Variants in LPP observed in about 807,000 individuals in gnomAD.
The protein encoded by LPP is lipoma-preferred partner.
A neutral mutation model predicts 60.4 loss-of-function variants in LPP; 38 were observed. The observed-to-expected ratio is 0.63, with a 90% CI of 0.49 to 0.83. The LOEUF (loss-of-function observed/expected upper bound fraction) is 0.83. Ranked by LOEUF, LPP falls within the 40% of genes least tolerant of loss-of-function variation. The pLI, the probability that LPP is intolerant of heterozygous loss-of-function variation, is 0.00. For missense variants in LPP, 902 were observed against 783.6 expected, an observed-to-expected ratio of 1.15 and a Z score of -1.80; for synonymous variants, 328 against 290.8, an observed-to-expected ratio of 1.13 and a Z score of -1.30.
intron 4 of LPP, among the ~76,000 whole-genome samples, chr3:188,410,051 C>T (rs1222121792): frequency 1.3e-5 from 2 of 152,130 alleles, no homozygotes; most frequent in South Asian, 4.1e-4. Context: ...AATAGATTTG[C>T]TTGTATATGC....
intron 3 of LPP, among the ~76,000 whole-genome samples, chr3:188,363,595 C>T (rs1305012731): frequency 2.0e-5 from 3 of 152,182 alleles, no homozygotes; most frequent in African/African-American, 4.8e-5. Flanking sequence ...CGCCCTCCTT[C>T]GACTGAGCTC....
chr3:188,771,363 A>G (rs1398501331), intron 9 of LPP, among the ~76,000 whole-genome samples: 2 of 152,066 alleles, frequency 1.3e-5, no homozygotes, highest in Non-Finnish European at 2.9e-5. Context: ...AGACTGGCTA[A>G]CATAGTGAAA....
At chr3:188,553,833 C>T (rs1828798872) in intron 6 of LPP, 1 of 152,194 alleles carries the variant, frequency 6.6e-6, no homozygotes, top group African/African-American at 2.4e-5. Context: ...GAGATGGTGT[C>T]AGAGTGGTGT....
rs1313097394 is a variant in LPP, at chr3:188,182,771, G to GCGCA, written c.-190+28519_-190+28520insCGCA. 1.5e-4 allele frequency among the ~76,000 whole-genome samples: 22 copies of GCGCA among 148,790 alleles called. No homozygotes were observed. Among genetic ancestry groups the GCGCA allele is most frequent in the Non-Finnish European group, 3.0e-4 (20 of 67,470 alleles). On this transcript the variant is annotated intron_variant, in intron 1 of 11. Transcript: ENST00000617246. This position sits in a 1 kb window ranked among gnomAD's most constrained non-coding sequence, Gnocchi z 4.4. Reference sequence around the variant, plus strand: ...ACATATATGTACATATATTATATATGTGCATATATAATATATGTACATATA... The same window carrying GCGCA: ...ACATATATGTACATATATTATATATGCGCATGCATATATAATATATGTACATATA...
chr3:188,582,067 T>C (rs1412422852), intron 6 of LPP, among the ~76,000 whole-genome samples: 2 of 152,028 alleles, frequency 1.3e-5, no homozygotes, highest in South Asian at 2.1e-4. Flanking sequence ...GTTTTCTTCC[T>C]ACCATTCTGA....
intron 8 of LPP, among the ~76,000 whole-genome samples, chr3:188,714,151 G>A (rs1217057265): frequency 6.6e-6 from 1 of 152,060 alleles, no homozygotes; most frequent in Non-Finnish European, 1.5e-5. Context: ...TTGGAATTTG[G>A]CCTCACTCTT....
intron 2 of LPP, among the ~76,000 whole-genome samples, chr3:188,249,866 A>C (rs1728462436): frequency 7.3e-6 from 1 of 136,214 alleles, no homozygotes. Context: ...ACACACACAC[A>C]CACAGTCTCC....
Position 188,362,371 on chromosome 3 carries a change from T to C in LPP, c.-10+20652T>C, listed in dbSNP as rs112468035. Among the ~76,000 whole-genome samples, 284 of 152,246 alleles carry C rather than the reference T, an allele frequency of 1.9e-3. 2 individuals carry two copies. The highest frequency in any genetic ancestry group is 6.5e-3 in the African/African-American group (271 of 41,522). The stretch of plus-strand genomic sequence containing the variant: ...CTTATTTGACTGCTTTTTGTGTTTG[T>C]CTTCTTCTTTACTGGATATCCTTTT... On this transcript the variant is annotated intron_variant, in intron 3 of 11. Coordinates refer to ENST00000617246, the MANE Select transcript of LPP (RefSeq NM_001375462.1).
intron 3 of LPP, among the ~76,000 whole-genome samples, chr3:188,388,005 T>G (rs1778780476): frequency 6.6e-6 from 1 of 152,204 alleles, no homozygotes. Flanking sequence ...TATGTTGTTT[T>G]TTTGGTATTA....
intron 6 of LPP, among the ~76,000 whole-genome samples, chr3:188,533,289 C>A (rs918333601): frequency 6.6e-6 from 1 of 152,098 alleles, no homozygotes; most frequent in Non-Finnish European, 1.5e-5. Flanking sequence ...TCATATTATT[C>A]AATGCAAGTC....
chr3:188,879,678 A>C lies in LPP; in HGVS notation c.*5199A>C, dbSNP rs546611236. 131 of 182,700 alleles carry C rather than the reference A, an allele frequency of 7.2e-4. 1 individual carries two copies. Among genetic ancestry groups the C allele is most frequent in the Middle Eastern group, 2.1e-3 (1 of 480 alleles). The allele number at this position is 182,700 out of a possible 1,614,324, so 11.3% of individuals were successfully genotyped here. On this transcript the variant is annotated 3_prime_UTR_variant, in exon 12 of 12. Coordinates refer to ENST00000617246, the MANE Select transcript of LPP (RefSeq NM_001375462.1). ...TGTAACCCCAAAAAATTATAATTTT[A>C]ATGATGGCATTTTATTTTATTCCAT... is the stretch of plus-strand genomic sequence containing the variant.
rs1403911336 is a variant in LPP at position 188,356,954 on chromosome 3, G to A, written c.-10+15235G>A. Reference sequence around the variant, plus strand: ...GGCCAAAGCGTTTCAACCATTCTGGGGAGGTGGGTGAATGCCCACAACTTG... The same window carrying A: ...GGCCAAAGCGTTTCAACCATTCTGGAGAGGTGGGTGAATGCCCACAACTTG... On this transcript the variant is annotated intron_variant, in intron 3 of 11. Transcript: ENST00000617246. Among the ~76,000 whole-genome samples, 3 of 152,144 alleles carry A rather than the reference G, an allele frequency of 2.0e-5. No individual in the cohort carries two copies. The East Asian group carries it at 5.8e-4, about 29-fold the overall frequency.
intron 8 of LPP, among the ~76,000 whole-genome samples, chr3:188,744,123 T>C (rs1283412043): frequency 6.6e-6 from 1 of 152,140 alleles, no homozygotes; most frequent in Non-Finnish European, 1.5e-5. Flanking sequence ...TAGTCATACA[T>C]ACTCACAAAC....
Position 188,526,254 on chromosome 3 carries a change from A to G in LPP, c.429+1467A>G, listed in dbSNP as rs145745677. Among the ~76,000 whole-genome samples the G allele has an allele frequency of 5.0e-3, 753 of 151,790 alleles. 3 individuals carry two copies. The highest frequency in any genetic ancestry group is 0.017 in the African/African-American group (694 of 41,378). On this transcript the variant is annotated intron_variant, in intron 6 of 11. Coordinates refer to ENST00000617246, the MANE Select transcript of LPP (RefSeq NM_001375462.1). ...TGTTTCTCTGCTGTCAGTTATTTCA[A>G]TACTTAACTGCTCATAAGGTGGCAG...
chr3:188,770,344 ATTT>A (rs61040174), intron 9 of LPP, among the ~76,000 whole-genome samples: 34,063 of 116,218 alleles, frequency 0.29, 4,462 homozygotes, highest in Middle Eastern at 0.37. Flanking sequence ...ACGCCCAGCT[ATTT>A]TTTTTTTTTT....
intron 7 of LPP, among the ~76,000 whole-genome samples, chr3:188,659,576 G>A (rs543629742): frequency 1.8e-4 from 28 of 152,226 alleles, no homozygotes; most frequent in Non-Finnish European, 3.8e-4. Flanking sequence ...AGCCTGGCAG[G>A]CAAGCAGGCA....
chr3:188,321,668 C>T (rs941846953), intron 2 of LPP, among the ~76,000 whole-genome samples: 16 of 152,214 alleles, frequency 1.1e-4, no homozygotes, highest in Non-Finnish European at 2.4e-4. Context: ...AAAAAAATCA[C>T]AACATTTTGT....
chr3:188,238,919 A>G, intron 2 of LPP, among the ~76,000 whole-genome samples: 1 of 152,252 alleles, frequency 6.6e-6, no homozygotes, highest in East Asian at 1.9e-4. Context: ...GCCAACTACA[A>G]TAAAGTGAAG....
intron 8 of LPP, among the ~76,000 whole-genome samples, chr3:188,719,888 G>T (rs1156445390): frequency 6.6e-6 from 1 of 151,864 alleles, no homozygotes; most frequent in African/African-American, 2.4e-5. Context: ...CTCTGGAGTT[G>T]TACTTGGTAG....
Sources: gnomAD v4.1 joint callset for allele counts (sites outside exome capture counted in the v4.1 genomes callset) on GRCh38, gnomAD v4.1.1 for gene constraint, Gnocchi (gnomAD v3.1) non-coding constraint, MANE v1.5 for transcripts, NCBI Gene and HGNC (gene_info 2026-07-23, HGNC 2026-07-21) for gene names.